Variants in SGCZ observed in about 807,000 individuals in gnomAD.
SGCZ encodes the protein zeta-sarcoglycan.
SGCZ carries 40 observed loss-of-function variants against 41.3 expected under a neutral mutation model. That is an observed-to-expected ratio of 0.97 (90% CI 0.75 to 1.26). The LOEUF (loss-of-function observed/expected upper bound fraction) is 1.26. SGCZ is among the 50% of genes most tolerant of loss of function. The pLI is 0.00. For synonymous variants in SGCZ, 206 were observed against 137.5 expected (o/e 1.50, Z -3.49); for missense variants, 552 against 369.8 (o/e 1.49, Z -4.04).
At chr8:14,298,135 G>C (rs1395541122) in intron 3 of SGCZ, among the ~76,000 whole-genome samples, 1 of 151,868 alleles carries the variant, frequency 6.6e-6, no homozygotes, top group African/African-American at 2.4e-5. Context: ...GATACAGAAA[G>C]ATAATTTGAC....
intron 3 of SGCZ, among the ~76,000 whole-genome samples, chr8:14,304,767 A>G (rs1051122923): frequency 4.6e-5 from 7 of 152,208 alleles, no homozygotes; most frequent in Admixed American, 2.6e-4. Flanking sequence ...TTTGAAAACT[A>G]TAAGGCTATT....
chr8:14,750,478 T>C (rs1477994592), intron 1 of SGCZ, among the ~76,000 whole-genome samples: 1 of 152,174 alleles, frequency 6.6e-6, no homozygotes, highest in Non-Finnish European at 1.5e-5. Flanking sequence ...AAGAGTTTTC[T>C]AAGGAAGGAA....
At chr8:14,517,508 G>A (rs932387156) in intron 2 of SGCZ, among the ~76,000 whole-genome samples, 1 of 151,936 alleles carries the variant, frequency 6.6e-6, no homozygotes, top group Non-Finnish European at 1.5e-5. Flanking sequence ...GCTAAAATAG[G>A]CCTTTAACTT....
At chr8:15,084,735 G>C (rs968793593) in intron 1 of SGCZ, among the ~76,000 whole-genome samples, 16 of 152,204 alleles carry the variant, frequency 1.1e-4, no homozygotes, top group African/African-American at 3.1e-4. Context: ...CTGGGCAATG[G>C]AGTGAGACTC....
intron 1 of SGCZ, among the ~76,000 whole-genome samples, chr8:14,810,703 G>C (rs1023692969): frequency 1.3e-5 from 2 of 151,968 alleles, no homozygotes; most frequent in Non-Finnish European, 2.9e-5. Flanking sequence ...CTGGTTCAGT[G>C]ACTTCCTGGC....
chr8:14,806,445 A>G (rs554454975), intron 1 of SGCZ, among the ~76,000 whole-genome samples: 1 of 151,978 alleles, frequency 6.6e-6, no homozygotes, highest in South Asian at 2.1e-4. Context: ...AGAGAATACT[A>G]CAAACACCTC....
intron 1 of SGCZ, among the ~76,000 whole-genome samples, chr8:15,078,593 T>G (rs1457022393): frequency 6.6e-6 from 1 of 152,102 alleles, no homozygotes; most frequent in Admixed American, 6.6e-5. Flanking sequence ...TTTTGTTTAA[T>G]AGGATGTTTG....
intron 1 of SGCZ, among the ~76,000 whole-genome samples, chr8:14,755,768 A>C (rs897580046): frequency 2.6e-5 from 4 of 152,218 alleles, no homozygotes; most frequent in African/African-American, 9.6e-5. Flanking sequence ...TGAATGCTTT[A>C]TAAATAAAAC....
chr8:15,103,897 A>G (rs1806712534), intron 1 of SGCZ, among the ~76,000 whole-genome samples: 1 of 152,214 alleles, frequency 6.6e-6, no homozygotes, highest in South Asian at 2.1e-4. Flanking sequence ...AAAAAGTGTC[A>G]AAGTCACACT....
At chr8:14,329,750 TC>T (rs1216665818) in intron 2 of SGCZ, among the ~76,000 whole-genome samples, 1 of 152,132 alleles carries the variant, frequency 6.6e-6, no homozygotes, top group African/African-American at 2.4e-5. Flanking sequence ...CCCAACCCCC[TC>T]CTTTAGAATG....
intron 2 of SGCZ, among the ~76,000 whole-genome samples, chr8:14,519,800 T>C (rs1802736534): frequency 1.3e-5 from 2 of 152,158 alleles, no homozygotes; most frequent in African/African-American, 4.8e-5. Context: ...TATTTCATTG[T>C]TACACTTTCT....
In SGCZ at chr8:14,390,810, G is replaced by A. The variant is rs993417950; in HGVS notation, c.235-66606C>T. ...TATCTGGTGAGCAATATTCTAAAGC[G>A]TGTATATTTTTCTAGAAGATTATAG... On this transcript the variant is annotated intron_variant, in intron 2 of 7. Coordinates refer to ENST00000382080, the MANE Select transcript of SGCZ (RefSeq NM_139167.4). Among the ~76,000 whole-genome samples the A allele has an allele frequency of 4.0e-5, 6 of 151,888 alleles. No homozygotes were observed. The South Asian group carries it at 6.2e-4, about 16-fold the overall frequency.
At chr8:15,084,693 A>C (rs1805885762) in intron 1 of SGCZ, among the ~76,000 whole-genome samples, 2 of 152,180 alleles carry the variant, frequency 1.3e-5, no homozygotes, top group Admixed American at 1.3e-4. Context: ...CAGAGGTTGC[A>C]GTGAGCCAAG....
chr8:14,719,446 T>G (rs201161241), intron 1 of SGCZ, among the ~76,000 whole-genome samples: 8 of 151,178 alleles, frequency 5.3e-5, no homozygotes, highest in African/African-American at 1.7e-4. Context: ...TCCACAATGG[T>G]TGAACTAGTT....
At chr8:14,270,582 T>G (rs1170489845) in intron 3 of SGCZ, among the ~76,000 whole-genome samples, 3 of 152,156 alleles carry the variant, frequency 2.0e-5, no homozygotes, top group African/African-American at 7.2e-5. Flanking sequence ...ATTTAATATA[T>G]CTGGGAGCTA....
intron 1 of SGCZ, among the ~76,000 whole-genome samples, chr8:14,706,553 T>C (rs975223542): frequency 2.0e-5 from 3 of 152,120 alleles, no homozygotes; most frequent in African/African-American, 7.2e-5. Flanking sequence ...AATAGGACAT[T>C]AGAGTTTATC....
At chr8:14,423,223 T>C (rs1027762358) in intron 2 of SGCZ, among the ~76,000 whole-genome samples, 1 of 151,718 alleles carries the variant, frequency 6.6e-6, no homozygotes, top group Non-Finnish European at 1.5e-5. Context: ...AATGACGAGT[T>C]AATGGGTGCA....
intron 2 of SGCZ, among the ~76,000 whole-genome samples, chr8:14,376,470 C>T (rs896570523): frequency 5.9e-5 from 9 of 152,054 alleles, no homozygotes; most frequent in Admixed American, 5.2e-4. Context: ...AACAGGGAAA[C>T]ACAGTTCATG....
intron 3 of SGCZ, among the ~76,000 whole-genome samples, chr8:14,270,849 C>G (rs1224171872): frequency 1.3e-5 from 2 of 152,064 alleles, no homozygotes; most frequent in Non-Finnish European, 2.9e-5. Flanking sequence ...ACATATACAC[C>G]ATGGAATACT....
Sources: gnomAD v4.1 joint callset for allele counts (sites outside exome capture counted in the v4.1 genomes callset) on GRCh38, gnomAD v4.1.1 for gene constraint, MANE v1.5 for transcripts, NCBI Gene and HGNC (gene_info 2026-07-23, HGNC 2026-07-21) for gene names.